Variants in GUCY1A2 observed in about 807,000 individuals in gnomAD.
The protein encoded by GUCY1A2 is guanylate cyclase 1 soluble subunit alpha 2.
GUCY1A2 carries 27 observed loss-of-function variants against 63.5 expected under a neutral mutation model. The observed-to-expected ratio is 0.43, with a 90% CI of 0.31 to 0.59. GUCY1A2 has a LOEUF of 0.59. Ranked by LOEUF, GUCY1A2 falls within the 20% of genes least tolerant of loss-of-function variation. The pLI is 0.11. For missense variants in GUCY1A2, 768 were observed against 913.3 expected (o/e 0.84, Z 2.05); for synonymous variants, 364 against 343.5 (o/e 1.06, Z -0.66).
intron 1 of GUCY1A2, among the ~76,000 whole-genome samples, chr11:106,997,404 A>G (rs1861553476): frequency 6.6e-6 from 1 of 152,188 alleles, no homozygotes; most frequent in Non-Finnish European, 1.5e-5. Context: ...GCATACAAAC[A>G]TGACAGCGGA....
chr11:106,940,991 T>C (rs577231392), intron 3 of GUCY1A2, among the ~76,000 whole-genome samples: 3 of 152,074 alleles, frequency 2.0e-5, no homozygotes, highest in Non-Finnish European at 2.9e-5. Context: ...TGAATGGGGA[T>C]AGGCATCAAG....
intron 7 of GUCY1A2, among the ~76,000 whole-genome samples, chr11:106,689,386 C>T (rs924386776): frequency 3.3e-5 from 5 of 152,084 alleles, no homozygotes; most frequent in African/African-American, 9.7e-5. Context: ...CTCCTTCTAA[C>T]ATTTCAAAAT....
Position 106,855,894 on chromosome 11 carries a change from T to TTTCTTTTTTTTTA in GUCY1A2, c.1207-45417_1207-45416insTAAAAAAAAAGAA, listed in dbSNP as rs372010228. ...TTTTATCTGTTTGGGTCTCTTGTAT[T>TTTCTTTTTTTTTA]TTATTTATTTATTTATTTATTTATT... On this transcript the variant is annotated intron_variant, in intron 4 of 7. Coordinates refer to ENST00000526355, the MANE Select transcript of GUCY1A2 (RefSeq NM_000855.3). Among the ~76,000 whole-genome samples the TTTCTTTTTTTTTA allele has an allele frequency of 4.9e-4, 36 of 72,884 alleles. No individual in the cohort carries two copies. The Admixed American group carries it at 5.0e-3, about 10-fold the overall frequency. 47.8% of individuals were successfully genotyped at this position (72,884 alleles called of 152,430 possible).
chr11:107,003,125 T>G (rs1477342492), intron 1 of GUCY1A2, among the ~76,000 whole-genome samples: 3 of 152,206 alleles, frequency 2.0e-5, no homozygotes, highest in African/African-American at 7.2e-5. Flanking sequence ...CAGGTGCTGC[T>G]GTCTCTATTT....
At chr11:106,884,733 G>T (rs1591313803) in intron 4 of GUCY1A2, among the ~76,000 whole-genome samples, 1 of 152,070 alleles carries the variant, frequency 6.6e-6, no homozygotes, top group Admixed American at 6.6e-5. Context: ...ATGAATGTTA[G>T]CAAGAAGCTA....
chr11:106,939,233 G>A (rs1565337623), intron 4 of GUCY1A2, among the ~76,000 whole-genome samples: 1 of 152,134 alleles, frequency 6.6e-6, no homozygotes, highest in South Asian at 2.1e-4. Context: ...ATTAATAAAT[G>A]TCTTCTTTTT....
intron 6 of GUCY1A2, among the ~76,000 whole-genome samples, chr11:106,763,699 A>G (rs1335655186): frequency 6.6e-6 from 1 of 152,098 alleles, no homozygotes; most frequent in African/African-American, 2.4e-5. Context: ...AGAGCCAAGA[A>G]AAAAAGCAGA....
chr11:106,792,608 A>C (rs768438467), intron 5 of GUCY1A2, among the ~76,000 whole-genome samples: 2 of 152,182 alleles, frequency 1.3e-5, no homozygotes, highest in African/African-American at 4.8e-5. Context: ...TATTGAAGGA[A>C]CATACCTCAA....
At chr11:106,881,338 T>C (rs56067623) in intron 4 of GUCY1A2, among the ~76,000 whole-genome samples, 8,808 of 152,144 alleles carry the variant, frequency 0.058, 386 homozygotes, top group Admixed American at 0.1. Context: ...CCTCAAAAGA[T>C]GGCCATAACT....
At chr11:106,981,872 A>G (rs187389628) in intron 2 of GUCY1A2, among the ~76,000 whole-genome samples, 2 of 152,348 alleles carry the variant, frequency 1.3e-5, no homozygotes, top group Admixed American at 1.3e-4. Context: ...GGAAGACAGG[A>G]AAAGGTTGCA....
At chr11:106,948,568 T>C (rs1860861917) in intron 3 of GUCY1A2, among the ~76,000 whole-genome samples, 1 of 152,140 alleles carries the variant, frequency 6.6e-6, no homozygotes, top group African/African-American at 2.4e-5. Context: ...TTATTCTAAA[T>C]AGCAAAATAC....
intron 4 of GUCY1A2, among the ~76,000 whole-genome samples, chr11:106,863,452 T>C (rs1859542659): frequency 6.6e-6 from 1 of 152,152 alleles, no homozygotes. Context: ...TGGTTGTAGA[T>C]GTGTGGTGTT....
At chr11:106,974,336 T>C (rs538727141) in intron 3 of GUCY1A2, among the ~76,000 whole-genome samples, 3 of 152,222 alleles carry the variant, frequency 2.0e-5, no homozygotes, top group South Asian at 4.1e-4. Flanking sequence ...CATATTCTTA[T>C]CTACTAAACA....
intron 4 of GUCY1A2, among the ~76,000 whole-genome samples, chr11:106,854,867 C>G (rs1359181949): frequency 6.6e-6 from 1 of 152,082 alleles, no homozygotes; most frequent in Non-Finnish European, 1.5e-5. Context: ...TGGGGAGTAT[C>G]AGTACTGGGG....
chr11:106,728,520 A>C (rs1289249690), intron 6 of GUCY1A2, among the ~76,000 whole-genome samples: 1 of 152,212 alleles, frequency 6.6e-6, no homozygotes, highest in Non-Finnish European at 1.5e-5. Context: ...TGTTTATCTA[A>C]GAATGAGACA....
intron 4 of GUCY1A2, among the ~76,000 whole-genome samples, chr11:106,843,221 G>T (rs923784387): frequency 6.6e-6 from 1 of 151,760 alleles, no homozygotes; most frequent in African/African-American, 2.4e-5. Flanking sequence ...TACAATATCT[G>T]AATATTTTTA....
intron 4 of GUCY1A2, among the ~76,000 whole-genome samples, chr11:106,857,763 G>A (rs1399623042): frequency 6.6e-6 from 1 of 152,070 alleles, no homozygotes; most frequent in Non-Finnish European, 1.5e-5. Context: ...ATACAGTATA[G>A]CAACTATTTA....
At chr11:106,774,688 G>A (rs982281601) in intron 6 of GUCY1A2, among the ~76,000 whole-genome samples, 2 of 151,624 alleles carry the variant, frequency 1.3e-5, no homozygotes, top group African/African-American at 4.9e-5. Flanking sequence ...CACTCTCTCC[G>A]CCCTGTCTCC....
chr11:106,923,621 GAGAA>G (rs1280278780), intron 4 of GUCY1A2, among the ~76,000 whole-genome samples: 2 of 152,096 alleles, frequency 1.3e-5, no homozygotes, highest in Non-Finnish European at 2.9e-5. Flanking sequence ...GGTACATTAG[GAGAA>G]AGATTTTTTT....
Sources: gnomAD v4.1 joint callset for allele counts (sites outside exome capture counted in the v4.1 genomes callset) on GRCh38, gnomAD v4.1.1 for gene constraint, MANE v1.5 for transcripts, NCBI Gene and HGNC (gene_info 2026-07-23, HGNC 2026-07-21) for gene names.